Variants in APP observed in about 807,000 individuals in gnomAD.
The protein encoded by APP is amyloid-beta precursor protein.
In APP, 31 loss-of-function variants were observed where a neutral mutation model predicts 101.4. The observed-to-expected ratio is 0.31, with a 90% CI of 0.23 to 0.41. APP has a LOEUF of 0.41. Among genes scored for constraint, APP ranks in the 10% least tolerant of loss-of-function variants. The pLI is 1.00. For missense variants in APP, 839 were observed against 1,003.7 expected (o/e 0.84, Z 2.22); for synonymous variants, 366 against 364.4 (o/e 1.00, Z -0.05).
At chr21:26,007,516 A>C (rs1318789114) in intron 6 of APP, among the ~76,000 whole-genome samples, 1 of 149,200 alleles carries the variant, frequency 6.7e-6, no homozygotes, top group East Asian at 1.9e-4. Flanking sequence ...ATTTTATATA[A>C]ATGTTTACAT....
At chr21:26,031,832 C>T (rs1215169572) in intron 5 of APP, among the ~76,000 whole-genome samples, 1 of 152,160 alleles carries the variant, frequency 6.6e-6, no homozygotes, top group Non-Finnish European at 1.5e-5. Flanking sequence ...AGCACGCTCC[C>T]CAAAATGCAG....
chr21:26,068,363 C>CTCT lies in APP; in HGVS notation c.356-15016_356-15015insAGA, dbSNP rs1479042050. ...TTCTCTGACTACTCTGCCACATTCT[C>CTCT]TTTTTTTTTTTTTTTTTAAAGAGAC... On this transcript the variant is annotated intron_variant, in intron 3 of 17. Coordinates refer to ENST00000346798, the MANE Select transcript of APP (RefSeq NM_000484.4). 239 of 144,122 alleles carry CTCT rather than the reference C, an allele frequency of 1.7e-3. 2 individuals carry two copies. The highest frequency in any genetic ancestry group is 5.7e-3 in the African/African-American group (223 of 39,132). The allele number at this position is 144,122 out of a possible 1,614,324, so 8.9% of individuals were successfully genotyped here. A position where few individuals can be genotyped will look rare whatever the true frequency, so the allele number is the denominator to read the frequency against.
chr21:26,140,780 CAT>C (rs1459305500), intron 1 of APP, among the ~76,000 whole-genome samples: 1 of 152,222 alleles, frequency 6.6e-6, no homozygotes, highest in Admixed American at 6.5e-5. Context: ...AGTGTTAATT[CAT>C]AGACTCTCCC....
At chr21:26,013,744 T>A (rs2043924319) in intron 6 of APP, among the ~76,000 whole-genome samples, 1 of 152,164 alleles carries the variant, frequency 6.6e-6, no homozygotes, top group South Asian at 2.1e-4. Flanking sequence ...GAATTCTCTC[T>A]CACACACACT....
intron 13 of APP, among the ~76,000 whole-genome samples, chr21:25,924,555 T>C (rs2146366159): frequency 6.6e-6 from 1 of 151,238 alleles, no homozygotes; most frequent in Non-Finnish European, 1.5e-5. Context: ...AAGTGGGAGC[T>C]GAACAATGAG....
intron 6 of APP, among the ~76,000 whole-genome samples, chr21:26,006,222 T>C (rs1241957517): frequency 1.4e-4 from 21 of 152,222 alleles, no homozygotes; most frequent in Admixed American, 1.4e-3. Context: ...CTTACATGGC[T>C]ATCTAAGGAA....
Position 26,089,929 on chromosome 21 carries a change from G to A in APP, c.355+14C>T. 6.2e-7 allele frequency: 1 copy of A among 1,613,764 alleles called. No homozygotes were observed. Among genetic ancestry groups the A allele is most frequent in the South Asian group, 1.1e-5 (1 of 91,066 alleles). On this transcript the variant is annotated intron_variant, in intron 3 of 17. Coordinates refer to ENST00000346798, the MANE Select transcript of APP (RefSeq NM_000484.4). ...GCCCCCAATCAACACCAGCCCCACG[G>A]CCGGCCGGCTCACCTAAGCAGCGGT... is the stretch of plus-strand genomic sequence containing the variant.
At chr21:26,087,650 A>T (rs1011629555) in intron 3 of APP, among the ~76,000 whole-genome samples, 2 of 152,358 alleles carry the variant, frequency 1.3e-5, no homozygotes, top group Middle Eastern at 3.4e-3. Flanking sequence ...TCTCCTTGCC[A>T]GTCTCCAGCC....
At chr21:26,120,325 C>G (rs1389050557) in intron 1 of APP, among the ~76,000 whole-genome samples, 1 of 152,136 alleles carries the variant, frequency 6.6e-6, no homozygotes, top group Non-Finnish European at 1.5e-5. Context: ...CCATACCTGG[C>G]TAATTTTTCT....
chr21:26,090,743 C>T (rs921487958), intron 2 of APP, among the ~76,000 whole-genome samples: 1 of 152,204 alleles, frequency 6.6e-6, no homozygotes, highest in Non-Finnish European at 1.5e-5. Flanking sequence ...CCCCCTATCT[C>T]TCACTAATCG....
chr21:26,072,500 A>G (rs1386774210), intron 3 of APP, among the ~76,000 whole-genome samples: 2 of 152,244 alleles, frequency 1.3e-5, no homozygotes, highest in East Asian at 3.8e-4. Context: ...ATACTTTTCA[A>G]CGTCAAACTT....
Position 26,053,249 on chromosome 21 carries a change from G to T in APP, c.455C>A (p.Thr152Asn). 6.2e-7 allele frequency: 1 copy of T among 1,612,518 alleles called. No individual in the cohort carries two copies. Among genetic ancestry groups the T allele is most frequent in the African/African-American group, 1.3e-5 (1 of 74,984 alleles). The part of the protein sequence containing the change: ...DVCETHLHWH[T>N]VAKETCSEKS... ...ATGGGCTGGTACCTCTTTGGCGACG[G>T]TGTGCCAGTGAAGATGAGTTTCGCA... The change falls in exon 4 of 18, where the codon ACC becomes AAC. Residue 152 changes from threonine (T) to asparagine (N), a missense_variant. Thr to Asn is a moderately conservative substitution (Grantham distance 65). Coordinates refer to ENST00000346798, the MANE Select transcript of APP (RefSeq NM_000484.4).
At chr21:26,109,098 A>G (rs1156530753) in intron 2 of APP, among the ~76,000 whole-genome samples, 1 of 152,146 alleles carries the variant, frequency 6.6e-6, no homozygotes, top group Non-Finnish European at 1.5e-5. Flanking sequence ...CAGAGGACAG[A>G]TAATACCAGA....
intron 6 of APP, among the ~76,000 whole-genome samples, chr21:26,016,939 G>GT: frequency 3.1e-4 from 2 of 6,424 alleles, no homozygotes; most frequent in Admixed American, 1.1e-3. Flanking sequence ...GTGGGGGGCG[G>GT]GGGGCGGGGG....
intron 1 of APP, among the ~76,000 whole-genome samples, chr21:26,158,762 G>A (rs951226467): frequency 3.3e-5 from 5 of 152,044 alleles, no homozygotes; most frequent in Non-Finnish European, 7.4e-5. Flanking sequence ...TGTTTTTTCT[G>A]TCTGGGAAGC....
Position 25,997,407 on chromosome 21 carries a change from C to T in APP, c.1043G>A (p.Ser348Asn). 6.2e-7 allele frequency: 1 copy of T among 1,613,008 alleles called. No homozygotes were observed. The highest frequency in any genetic ancestry group is 8.5e-7 in the Non-Finnish European group (1 of 1,179,062). The stretch of plus-strand genomic sequence containing the variant: ...AGGTTCCTGGGTAGTCTTGAGTAAA[C>T]TTTGGGACACTATGGAAAAAATAAG... ...MAVCGSAMSQ[S>N]LLKTTQEPLA... Residue 348 changes from serine (S) to asparagine (N), a missense_variant, in exon 8 of 18, where the codon AGT becomes AAT. Transcript: ENST00000346798.
At chr21:26,097,241 C>T (rs954294517) in intron 2 of APP, among the ~76,000 whole-genome samples, 1 of 152,220 alleles carries the variant, frequency 6.6e-6, no homozygotes, top group African/African-American at 2.4e-5. Context: ...TCCCTGACCA[C>T]TTGCTACCTC....
chr21:25,889,448 G>C (rs949652303), intron 17 of APP, among the ~76,000 whole-genome samples: 3 of 152,300 alleles, frequency 2.0e-5, no homozygotes, highest in East Asian at 1.9e-4. Flanking sequence ...ACTTTGTTAT[G>C]GAAGCCCGAG....
At chr21:25,935,056 C>A (rs2040305644) in intron 13 of APP, 1 of 152,150 alleles carries the variant, frequency 6.6e-6, no homozygotes, top group South Asian at 2.1e-4. Flanking sequence ...GAGGTTAGGT[C>A]ATTTCCTCTC....
Sources: gnomAD v4.1 joint callset for allele counts (sites outside exome capture counted in the v4.1 genomes callset) on GRCh38, gnomAD v4.1.1 for gene constraint, MANE v1.5 for transcripts, NCBI Gene and HGNC (gene_info 2026-07-23, HGNC 2026-07-21) for gene names.